Variants in DLG1 observed in about 807,000 individuals in gnomAD.
DLG1 encodes the protein discs large MAGUK scaffold protein 1.
In DLG1, 42 loss-of-function variants were observed where a neutral mutation model predicts 123.4. That is an observed-to-expected ratio of 0.34 (90% CI 0.27 to 0.44). The LOEUF (loss-of-function observed/expected upper bound fraction) is 0.44, where lower values mean the gene tolerates loss of function less well. Among genes scored for constraint, DLG1 ranks in the 20% least tolerant of loss-of-function variants. The pLI is 1.00. For synonymous variants in DLG1, 317 were observed against 356.2 expected (o/e 0.89, Z 1.24); for missense variants, 942 against 1,082.6 (o/e 0.87, Z 1.82).
At chr3:197,219,984 T>TA (rs1278450351) in intron 4 of DLG1, among the ~76,000 whole-genome samples, 1 of 152,180 alleles carries the variant, frequency 6.6e-6, no homozygotes, top group African/African-American at 2.4e-5. Flanking sequence ...TACAGAGCTT[T>TA]AAAAAACATT....
intron 15 of DLG1, among the ~76,000 whole-genome samples, chr3:197,089,172 A>G (rs1316173763): frequency 6.6e-6 from 1 of 152,240 alleles, no homozygotes; most frequent in Non-Finnish European, 1.5e-5. Context: ...TGGAGAATGA[A>G]ACTAGGGGCT....
rs201747697 is a variant in DLG1, at chr3:197,194,417, T to A, written c.483+8A>T. On this transcript the variant is annotated splice_region_variant and intron_variant, in intron 5 of 24. Coordinates refer to ENST00000667157, the MANE Select transcript of DLG1 (RefSeq NM_001366207.1). ...ATTCATAACAATAATAAATAGATAC[T>A]ATCCTACCTTTATTGGTGAAATATG... 9.3e-4 allele frequency: 1,431 copies of A among 1,533,376 alleles called. 2 individuals carry two copies. Among genetic ancestry groups the A allele is most frequent in the Non-Finnish European group, 9.3e-4 (1,058 of 1,135,112 alleles). 95.0% of individuals were successfully genotyped at this position (1,533,376 alleles called of 1,614,324 possible). A position where few individuals can be genotyped will look rare whatever the true frequency, so the allele number is the denominator to read the frequency against.
intron 13 of DLG1, among the ~76,000 whole-genome samples, chr3:197,115,610 A>C (rs1315420556): frequency 6.6e-6 from 1 of 152,214 alleles, no homozygotes; most frequent in Non-Finnish European, 1.5e-5. Flanking sequence ...ATAGATCAAG[A>C]AGGTAACAGA....
chr3:197,278,426 G>A (rs373942942), intron 4 of DLG1, among the ~76,000 whole-genome samples: 4 of 150,470 alleles, frequency 2.7e-5, no homozygotes, highest in Non-Finnish European at 2.9e-5. Flanking sequence ...AGCTATGATC[G>A]CACCACTGCA....
intron 12 of DLG1, among the ~76,000 whole-genome samples, chr3:197,117,205 TAAAGA>T (rs1244580530): frequency 6.6e-6 from 1 of 152,110 alleles, no homozygotes; most frequent in East Asian, 1.9e-4. Flanking sequence ...GATGAGGATG[TAAAGA>T]AATTGCAACT....
chr3:197,130,680 A>T lies in DLG1; in HGVS notation c.1021-9T>A. 1 of 1,582,468 alleles carries T rather than the reference A, an allele frequency of 6.3e-7. No individual in the cohort carries two copies. The highest frequency in any genetic ancestry group is 8.6e-7 in the Non-Finnish European group (1 of 1,167,052). ...AAACATACGTTATTCACCTAAAAAAAGTCCCAAAAGACATTTATGACATAT... is the reference window on the plus strand; with the variant it reads ...AAACATACGTTATTCACCTAAAAAATGTCCCAAAAGACATTTATGACATAT... On this transcript the variant is annotated splice_polypyrimidine_tract_variant and intron_variant, in intron 10 of 24. Coordinates refer to ENST00000667157, the MANE Select transcript of DLG1 (RefSeq NM_001366207.1).
At chr3:197,073,922 A>G (rs545264246) in intron 18 of DLG1, among the ~76,000 whole-genome samples, 1 of 152,030 alleles carries the variant, frequency 6.6e-6, no homozygotes, top group Admixed American at 6.5e-5. Flanking sequence ...AGGCCTGATG[A>G]CTACCTACAT....
intron 24 of DLG1, among the ~76,000 whole-genome samples, chr3:197,045,653 A>G (rs1301729383): frequency 1.3e-5 from 2 of 151,954 alleles, no homozygotes; most frequent in Non-Finnish European, 2.9e-5. Flanking sequence ...AGACAGGAGG[A>G]TGATCTCTTG....
chr3:197,135,341 C>A (rs1784552949), intron 10 of DLG1, among the ~76,000 whole-genome samples: 1 of 152,112 alleles, frequency 6.6e-6, no homozygotes, highest in Admixed American at 6.5e-5. Flanking sequence ...AGGTGGCTCC[C>A]CATGATGTTC....
chr3:197,176,429 C>T (rs1203413246), intron 5 of DLG1, among the ~76,000 whole-genome samples: 1 of 152,106 alleles, frequency 6.6e-6, no homozygotes, highest in Non-Finnish European at 1.5e-5. Flanking sequence ...TACAGAATGG[C>T]TTTACTGTCC....
intron 12 of DLG1, among the ~76,000 whole-genome samples, chr3:197,117,531 A>C (rs1773967132): frequency 6.6e-6 from 1 of 152,212 alleles, no homozygotes; most frequent in African/African-American, 2.4e-5. Context: ...CATGCTAACA[A>C]ATGAGTGTAT....
At chr3:197,245,391 T>C (rs1751127717) in intron 4 of DLG1, among the ~76,000 whole-genome samples, 1 of 152,140 alleles carries the variant, frequency 6.6e-6, no homozygotes, top group African/African-American at 2.4e-5. Flanking sequence ...AGGCGGCCTG[T>C]TGGGGGTATT....
At chr3:197,243,347 GA>G (rs1265603758) in intron 4 of DLG1, among the ~76,000 whole-genome samples, 2 of 152,144 alleles carry the variant, frequency 1.3e-5, no homozygotes, top group African/African-American at 4.8e-5. Flanking sequence ...TAGAACAAAG[GA>G]AAAGGGGGGT....
chr3:197,277,760 T>C (rs1303742330), intron 4 of DLG1, among the ~76,000 whole-genome samples: 1 of 152,198 alleles, frequency 6.6e-6, no homozygotes, highest in Admixed American at 6.5e-5. Context: ...GTCTATATCC[T>C]TTCTTATAAT....
At chr3:197,212,685 C>A (rs1388983210) in intron 4 of DLG1, among the ~76,000 whole-genome samples, 1 of 152,196 alleles carries the variant, frequency 6.6e-6, no homozygotes, top group Non-Finnish European at 1.5e-5. Context: ...AATAGCCCAT[C>A]CCAATAATCT....
At chr3:197,219,008 T>C (rs1247991755) in intron 4 of DLG1, among the ~76,000 whole-genome samples, 5 of 151,938 alleles carry the variant, frequency 3.3e-5, no homozygotes, top group African/African-American at 4.8e-5. Flanking sequence ...TGCATGACTG[T>C]AATCCCAGCT....
chr3:197,189,707 A>G (rs903270079), intron 5 of DLG1, among the ~76,000 whole-genome samples: 12 of 152,240 alleles, frequency 7.9e-5, no homozygotes, highest in Non-Finnish European at 1.6e-4. Context: ...CCAGGTTTTC[A>G]GACGCTTCTC....
At chr3:197,102,604 G>A (rs943246538) in intron 14 of DLG1, among the ~76,000 whole-genome samples, 2 of 152,224 alleles carry the variant, frequency 1.3e-5, no homozygotes, top group African/African-American at 2.4e-5. Flanking sequence ...ACTGGGGCTG[G>A]GGGCTGTGGC....
chr3:197,066,870 G>A, intron 19 of DLG1, 116 bp from the exon 20 acceptor site: 1 of 608,146 alleles, frequency 1.6e-6, no homozygotes, highest in Non-Finnish European at 2.8e-6. Context: ...GCAAAGATAT[G>A]GAAAGAGGTA....
Sources: gnomAD v4.1 joint callset for allele counts (sites outside exome capture counted in the v4.1 genomes callset) on GRCh38, gnomAD v4.1.1 for gene constraint, MANE v1.5 for transcripts, NCBI Gene and HGNC (gene_info 2026-07-23, HGNC 2026-07-21) for gene names.